Variants in GLIS3 observed in about 807,000 individuals in gnomAD.
The protein encoded by GLIS3 is GLIS family zinc finger 3.
Under a neutral mutation model 78.6 loss-of-function variants are expected in GLIS3, and 53 were observed. That is an observed-to-expected ratio of 0.67 (90% confidence interval 0.54 to 0.85). The LOEUF is 0.85. Among genes scored for constraint, GLIS3 ranks in the 40% least tolerant of loss-of-function variants. The pLI is 0.00. For synonymous variants in GLIS3, 684 were observed against 509.9 expected, an observed-to-expected ratio of 1.34 and a Z score of -4.60; for missense variants, 1,703 against 1,231.1, an observed-to-expected ratio of 1.38 and a Z score of -5.74.
chr9:3,932,975 T>G, intron 5 of GLIS3: 1 of 266,898 alleles, frequency 3.7e-6, no homozygotes, highest in Non-Finnish European at 7.6e-6. Context: ...GTAAAGTGAG[T>G]AAGAGACAGT....
At chr9:3,918,836 A>T (rs2130718857) in intron 6 of GLIS3, among the ~76,000 whole-genome samples, 1 of 152,364 alleles carries the variant, frequency 6.6e-6, no homozygotes, top group South Asian at 2.1e-4. Flanking sequence ...GAACCACTGT[A>T]GAGGTCCAAT....
At chr9:4,309,988 G>A (rs1417696616) in intron 3 of GLIS3, among the ~76,000 whole-genome samples, 2 of 152,202 alleles carry the variant, frequency 1.3e-5, no homozygotes, top group African/African-American at 4.8e-5. Context: ...CTGAATCACT[G>A]TCTGAACGCA....
chr9:4,473,460 C>CAAAAAAAAAAAAAAAAAAAAA, the GLIS3 span, among the ~76,000 whole-genome samples: 9 of 131,288 alleles, frequency 6.9e-5, no homozygotes, highest in Non-Finnish European at 8.2e-5. Context: ...ACAACAACAA[C>CAAAAAAAAAAAAAAAAAAAAA]AAAAAAAAAG....
chr9:4,114,196 G>A (rs1156546685), intron 4 of GLIS3, among the ~76,000 whole-genome samples: 1 of 152,068 alleles, frequency 6.6e-6, no homozygotes, highest in Admixed American at 6.5e-5. Context: ...CCAACAGACA[G>A]AGCATGCCCA....
chr9:4,153,744 G>C (rs1419713460), intron 2 of GLIS3, among the ~76,000 whole-genome samples: 1 of 152,146 alleles, frequency 6.6e-6, no homozygotes, highest in African/African-American at 2.4e-5. Context: ...TTATAGTTTG[G>C]AAAGAAAAAT....
intron 4 of GLIS3, among the ~76,000 whole-genome samples, chr9:4,107,234 G>A (rs1452389713): frequency 6.6e-6 from 1 of 152,174 alleles, no homozygotes; most frequent in African/African-American, 2.4e-5. Context: ...GGCACTTCTA[G>A]TTCCTTGTGG....
chr9:4,351,606 CA>C (rs1333420261), upstream of GLIS3, among the ~76,000 whole-genome samples: 3 of 151,542 alleles, frequency 2.0e-5, no homozygotes, highest in Non-Finnish European at 2.9e-5. Context: ...TTTTCATGGG[CA>C]AAAAGAGAAA....
At chr9:4,308,398 G>A (rs923578543) in intron 4 of GLIS3, among the ~76,000 whole-genome samples, 3 of 152,106 alleles carry the variant, frequency 2.0e-5, no homozygotes, top group African/African-American at 7.2e-5. Context: ...CAAAGAAGAG[G>A]AGAAGGAAGG....
At chr9:4,463,745 C>G in the GLIS3 span, among the ~76,000 whole-genome samples, 1 of 152,160 alleles carries the variant, frequency 6.6e-6, no homozygotes, top group Non-Finnish European at 1.5e-5. Context: ...CTATTGTCTC[C>G]TAATTACTTC....
At chr9:4,406,264 T>A in the GLIS3 span, among the ~76,000 whole-genome samples, 9 of 152,336 alleles carry the variant, frequency 5.9e-5, no homozygotes, top group African/African-American at 1.9e-4. Flanking sequence ...GCATCCCAAC[T>A]GGAAAGGAAG....
chr9:4,054,890 T>G (rs1278976898), intron 4 of GLIS3, among the ~76,000 whole-genome samples: 1 of 152,118 alleles, frequency 6.6e-6, no homozygotes, highest in South Asian at 2.1e-4. Context: ...AAGATTCCAT[T>G]TGTTAAAAGG....
intron 2 of GLIS3, among the ~76,000 whole-genome samples, chr9:4,247,141 A>T (rs1012140305): frequency 1.3e-5 from 2 of 151,946 alleles, no homozygotes; most frequent in African/African-American, 4.8e-5. Context: ...ATAAAAGCAG[A>T]CTCCCTCTGC....
chr9:4,426,110 G>C, the GLIS3 span, among the ~76,000 whole-genome samples: 1 of 152,140 alleles, frequency 6.6e-6, no homozygotes, highest in East Asian at 1.9e-4. Context: ...CCATCCATGA[G>C]TCCAGAGCCC....
chr9:4,170,516 G>C (rs1258408533), intron 2 of GLIS3, among the ~76,000 whole-genome samples: 1 of 152,144 alleles, frequency 6.6e-6, no homozygotes, highest in Non-Finnish European at 1.5e-5. Flanking sequence ...ACAGTGTATG[G>C]AAGTGAGACA....
chr9:4,099,585 A>G (rs777081059), intron 4 of GLIS3, among the ~76,000 whole-genome samples: 1 of 152,178 alleles, frequency 6.6e-6, no homozygotes, highest in Non-Finnish European at 1.5e-5. Flanking sequence ...ACATAATGTC[A>G]CATTCTGAGG....
chr9:4,396,293 G>C, the GLIS3 span, among the ~76,000 whole-genome samples: 2 of 151,838 alleles, frequency 1.3e-5, no homozygotes, highest in East Asian at 1.9e-4. Context: ...TTCGTTTTTT[G>C]CATTTTTAGT....
chr9:4,365,984 G>C, the GLIS3 span, among the ~76,000 whole-genome samples: 4 of 152,124 alleles, frequency 2.6e-5, no homozygotes, highest in African/African-American at 7.2e-5. Flanking sequence ...ACATTCTAAG[G>C]TGTCATTGAA....
intron 2 of GLIS3, among the ~76,000 whole-genome samples, chr9:4,280,781 G>C (rs1315023034): frequency 6.6e-6 from 1 of 151,726 alleles, no homozygotes; most frequent in Non-Finnish European, 1.5e-5. Context: ...TAGATAGCTG[G>C]AGCTGGAATG....
chr9:4,267,806 CAAGAAT>C (rs1055065944), intron 2 of GLIS3, among the ~76,000 whole-genome samples: 2 of 152,128 alleles, frequency 1.3e-5, no homozygotes, highest in Admixed American at 1.3e-4. Context: ...AAGTTAGTGC[CAAGAAT>C]GAGTTTTTTA....
Sources: allele counts gnomAD v4.1 joint callset (sites outside exome capture counted in the v4.1 genomes callset), GRCh38; gene constraint gnomAD v4.1.1; transcripts MANE v1.5; gene names NCBI Gene and HGNC (gene_info 2026-07-23, HGNC 2026-07-21).